The following OPCML variants were observed in gnomAD, a reference collection of about 807,000 sequenced individuals.
The protein encoded by OPCML is opioid-binding protein/cell adhesion molecule.
Under a neutral mutation model 37.8 loss-of-function variants are expected in OPCML, and 13 were observed. The observed-to-expected ratio is 0.34, with a 90% CI of 0.22 to 0.55. OPCML has a LOEUF of 0.55. Ranked by LOEUF, OPCML falls within the 20% of genes least tolerant of loss-of-function variation. The pLI is 0.91. For synonymous variants in OPCML, 176 were observed against 168.8 expected (o/e 1.04, Z -0.33); for missense variants, 341 against 435.6 (o/e 0.78, Z 1.93).
rs1283881162 is a variant in OPCML, at chr11:133,360,411, G to T, written c.61+171853C>A. On this transcript the variant is annotated intron_variant, in intron 1 of 7. Coordinates refer to ENST00000524381, the MANE Select transcript of OPCML (RefSeq NM_001012393.5). ...GCGAATGCAAGGGCCGACGATGCCC[G>T]CAGGGGAAGGAAGGAAGCCGGTCTC... The T allele has an allele frequency of 3.9e-5, 6 of 152,218 alleles. No individual in the cohort carries two copies. In the East Asian group the frequency reaches 7.7e-4, roughly 20 times the overall value. 9.4% of individuals were successfully genotyped at this position (152,218 alleles called of 1,614,324 possible).
intron 1 of OPCML, among the ~76,000 whole-genome samples, chr11:133,529,736 C>T (rs114766808): frequency 3.0e-3 from 456 of 152,202 alleles, no homozygotes; most frequent in African/African-American, 9.9e-3. Context: ...AAGTGGCTAA[C>T]GAGCTGGTAT....
At chr11:132,527,378 T>A (rs776316984) in intron 4 of OPCML, among the ~76,000 whole-genome samples, 1 of 152,176 alleles carries the variant, frequency 6.6e-6, no homozygotes, top group Non-Finnish European at 1.5e-5. Context: ...TTGATCCACA[T>A]CCTCACCAAC....
chr11:133,467,329 C>T (rs1226321136), intron 1 of OPCML, among the ~76,000 whole-genome samples: 1 of 152,174 alleles, frequency 6.6e-6, no homozygotes, highest in African/African-American at 2.4e-5. Context: ...ACCCTTAGAG[C>T]TGTCCCTACT....
At chr11:132,696,415 A>C (rs1943600624) in intron 2 of OPCML, among the ~76,000 whole-genome samples, 1 of 152,218 alleles carries the variant, frequency 6.6e-6, no homozygotes, top group Non-Finnish European at 1.5e-5. Flanking sequence ...AAACAAAGAA[A>C]ACTGGTCTCA....
intron 3 of OPCML, among the ~76,000 whole-genome samples, chr11:132,656,090 C>T (rs1485691429): frequency 1.3e-5 from 2 of 152,054 alleles, no homozygotes; most frequent in East Asian, 3.9e-4. Flanking sequence ...AGAAGTCCAC[C>T]CGAACCTTTC....
chr11:132,438,467 A>G (rs1262720833), intron 4 of OPCML, among the ~76,000 whole-genome samples: 2 of 152,188 alleles, frequency 1.3e-5, no homozygotes, highest in African/African-American at 4.8e-5. Context: ...GTGAAGCAGG[A>G]AGGTGTCTGT....
intron 2 of OPCML, chr11:132,771,731 C>T (rs1459405628): frequency 2.6e-5 from 4 of 152,176 alleles, no homozygotes; most frequent in African/African-American, 9.7e-5. Flanking sequence ...TCAATGAAAA[C>T]GCACAGCATA....
intron 1 of OPCML, among the ~76,000 whole-genome samples, chr11:133,515,056 A>G (rs904778950): frequency 6.6e-6 from 1 of 152,266 alleles, no homozygotes; most frequent in African/African-American, 2.4e-5. Context: ...TATTCATTAA[A>G]GAGCATCTGG....
intron 2 of OPCML, among the ~76,000 whole-genome samples, chr11:132,749,048 G>T (rs1945743935): frequency 6.6e-6 from 1 of 152,174 alleles, no homozygotes; most frequent in Non-Finnish European, 1.5e-5. Context: ...GGAGGGGGTT[G>T]CTTTGAGAAG....
chr11:132,685,072 A>G (rs180671562), intron 2 of OPCML, among the ~76,000 whole-genome samples: 12 of 152,334 alleles, frequency 7.9e-5, no homozygotes, highest in African/African-American at 2.9e-4. Flanking sequence ...CCTAAACCTG[A>G]TTAAATTATG....
intron 2 of OPCML, among the ~76,000 whole-genome samples, chr11:132,878,103 A>G (rs1303583726): frequency 6.6e-6 from 1 of 151,578 alleles, no homozygotes; most frequent in Non-Finnish European, 1.5e-5. Context: ...AATCGCTTGA[A>G]CCCAGGAGGC....
intron 7 of OPCML, among the ~76,000 whole-genome samples, chr11:132,423,248 C>T (rs547312980): frequency 6.6e-6 from 1 of 152,320 alleles, no homozygotes; most frequent in South Asian, 2.1e-4. Context: ...TATTCTTCAG[C>T]AGCTATGATG....
intron 3 of OPCML, among the ~76,000 whole-genome samples, chr11:132,584,316 A>C (rs1014028536): frequency 2.0e-4 from 30 of 152,178 alleles, no homozygotes; most frequent in Admixed American, 1.4e-3. Flanking sequence ...TTTATTAAAA[A>C]GGAGACCTAG....
chr11:133,303,339 CGCATT>C (rs1213076067), intron 1 of OPCML, among the ~76,000 whole-genome samples: 2 of 152,096 alleles, frequency 1.3e-5, no homozygotes, highest in African/African-American at 4.8e-5. Flanking sequence ...GGCAATCATA[CGCATT>C]GCATGAGAAG....
chr11:133,361,848 G>A (rs1944429969), intron 1 of OPCML: 1 of 152,562 alleles, frequency 6.6e-6, no homozygotes, highest in African/African-American at 2.4e-5. Context: ...AGCTCAGCAT[G>A]CGGGACAGCA....
intron 1 of OPCML, chr11:133,006,415 G>GA: frequency 1.0e-6 from 1 of 984,044 alleles, no homozygotes; most frequent in Non-Finnish European, 1.2e-6. Flanking sequence ...TAGCTGAACT[G>GA]AAAAAAAGTC....
At chr11:132,658,491 G>A (rs753216098) in intron 2 of OPCML, among the ~76,000 whole-genome samples, 3 of 152,158 alleles carry the variant, frequency 2.0e-5, no homozygotes, top group Non-Finnish European at 4.4e-5. Flanking sequence ...ATGGCTCAGG[G>A]TCTCCAAGCA....
chr11:133,189,000 C>T (rs946085009), intron 1 of OPCML, among the ~76,000 whole-genome samples: 9 of 152,126 alleles, frequency 5.9e-5, no homozygotes, highest in African/African-American at 1.2e-4. Context: ...CAGAACAGAG[C>T]CCTTGGCCCT....
intron 1 of OPCML, among the ~76,000 whole-genome samples, chr11:133,240,212 CAAAAAAAAAAA>C (rs35643678): frequency 2.1e-4 from 14 of 66,056 alleles, no homozygotes; most frequent in Middle Eastern, 0.01. Context: ...ACACTTGGGG[CAAAAAAAAAAA>C]AAAAAAAAAA....
Sources: gnomAD v4.1 joint callset for allele counts (sites outside exome capture counted in the v4.1 genomes callset) on GRCh38, gnomAD v4.1.1 for gene constraint, MANE v1.5 for transcripts, NCBI Gene and HGNC (gene_info 2026-07-23, HGNC 2026-07-21) for gene names.